FEM1C: variants seen among roughly 807,000 people sequenced by gnomAD.
FEM1C encodes the protein protein fem-1 homolog C.
In FEM1C, 15 loss-of-function variants were observed where a neutral mutation model predicts 37.6. The ratio of observed to expected loss-of-function variants is 0.40; its 90% CI spans 0.27 to 0.61. FEM1C has a LOEUF of 0.61. FEM1C is among the 20% of genes least tolerant of loss of function. The probability of loss-of-function intolerance (pLI) is 0.42; values close to 1 mark genes in which losing one functional copy is unlikely to be tolerated. For synonymous variants in FEM1C, 287 were observed against 272.8 expected (o/e 1.05, Z -0.51); for missense variants, 532 against 749.7 (o/e 0.71, Z 3.39).
rs901422000 is a variant in FEM1C, at chr5:115,542,896, A to C, written c.544+54T>G. The C allele has an allele frequency of 2.6e-6, 4 of 1,561,790 alleles. No individual in the cohort carries two copies. The African/African-American group carries it at 4.1e-5, about 16-fold the overall frequency. ...CACCAGTGCTTATAATGATGTATCAAACTTCCTGAAAATAAGTGGTAGACA... is the reference window on the plus strand; with the variant it reads ...CACCAGTGCTTATAATGATGTATCACACTTCCTGAAAATAAGTGGTAGACA... On this transcript the variant is annotated intron_variant, in intron 2 of 2. Coordinates refer to ENST00000274457, the MANE Select transcript of FEM1C (RefSeq NM_020177.3).
chr5:115,527,643 A>C (rs1449058750), intron 2 of FEM1C, among the ~76,000 whole-genome samples: 2 of 152,154 alleles, frequency 1.3e-5, no homozygotes, highest in Admixed American at 1.3e-4. Context: ...GAGAAATCTG[A>C]ATATAAAGAA....
At chr5:115,543,738 A>C in intron 1 of FEM1C, 55 bp from the exon 2 acceptor site, 1 of 1,303,684 alleles carries the variant, frequency 7.7e-7, no homozygotes, top group Non-Finnish European at 9.7e-7. Context: ...AGAAGGCAAA[A>C]CACTTCTTAA....
At chr5:115,530,877 T>C (rs189152933) in intron 2 of FEM1C, among the ~76,000 whole-genome samples, 1 of 151,826 alleles carries the variant, frequency 6.6e-6, no homozygotes, top group East Asian at 1.9e-4. Flanking sequence ...TTTAAATAGC[T>C]AAGTTTCCAT....
rs764353295 is a variant in FEM1C, at chr5:115,543,387, G to C, written c.107C>G (p.Ser36Cys). 6.2e-7 allele frequency: 1 copy of C among 1,614,182 alleles called. No homozygotes were observed. Among genetic ancestry groups the C allele is most frequent in the Non-Finnish European group, 8.5e-7 (1 of 1,180,030 alleles). Residue 36 changes from serine (S) to cysteine (C), a missense_variant, in exon 2 of 3, where the codon TCT (serine) becomes TGT (cysteine). By Grantham distance (112) the Ser-to-Cys change is moderately radical. Around this residue, in one of 3 missense-constraint regions of FEM1C, gnomAD observed 74 missense variants for 85.0 expected, o/e 0.87. Coordinates refer to ENST00000274457, the MANE Select transcript of FEM1C (RefSeq NM_020177.3). Reference protein sequence around the residue: ...KSKEEVSSLISEKTNGATPLL... With the variant: ...KSKEEVSSLICEKTNGATPLL... Reference sequence around the variant, plus strand: ...TGGCGTGGCCCCATTTGTTTTTTCAGAGATCAAGGAGGAAACCTCCTCTTT... The same window carrying C: ...TGGCGTGGCCCCATTTGTTTTTTCACAGATCAAGGAGGAAACCTCCTCTTT...
intron 2 of FEM1C, among the ~76,000 whole-genome samples, chr5:115,531,847 A>G (rs1385537097): frequency 6.6e-6 from 1 of 152,116 alleles, no homozygotes; most frequent in Non-Finnish European, 1.5e-5. Flanking sequence ...ACCCTGGGCC[A>G]TAGTTTGCCA....
At chr5:115,541,162 G>C (rs1011621486) in intron 2 of FEM1C, among the ~76,000 whole-genome samples, 3 of 151,952 alleles carry the variant, frequency 2.0e-5, no homozygotes, top group Admixed American at 6.5e-5. Context: ...TGCAGCTATT[G>C]AAATTAAAGA....
At position 115,525,013 on chromosome 5, in the gene FEM1C, T is replaced by C. The variant is rs778847500; in HGVS notation, c.1149A>G (p.Leu383=). 5 of 1,613,532 alleles carry C rather than the reference T, an allele frequency of 3.1e-6. No individual in the cohort carries two copies. The African/African-American group carries it at 5.3e-5, about 17-fold the overall frequency. Residue 383 remains leucine, a synonymous_variant, in exon 3 of 3, where the codon TTA becomes TTG. Coordinates refer to ENST00000274457, the MANE Select transcript of FEM1C (RefSeq NM_020177.3). ...AGGAGAATAGTTCTGCAAAAGATAATAAGCTGCTGGCGGTCATTGGGCTTA... is the reference window on the plus strand; with the variant it reads ...AGGAGAATAGTTCTGCAAAAGATAACAAGCTGCTGGCGGTCATTGGGCTTA... The part of the protein sequence containing the change: ...DPLSPMTASS[L]LSFAELFSFM...
intron 2 of FEM1C, among the ~76,000 whole-genome samples, chr5:115,538,843 C>A (rs1754182651): frequency 6.6e-6 from 1 of 151,906 alleles, no homozygotes; most frequent in South Asian, 2.1e-4. Flanking sequence ...CTGCCAAAAC[C>A]CTTCCACAGA....
At chr5:115,530,629 G>GC (rs1459587299) in intron 2 of FEM1C, among the ~76,000 whole-genome samples, 3 of 152,054 alleles carry the variant, frequency 2.0e-5, no homozygotes, top group Middle Eastern at 3.2e-3. Flanking sequence ...TGGCCGTAAG[G>GC]CAAGTCTCAA....
At chr5:115,526,774 T>G (rs967877161) in intron 2 of FEM1C, among the ~76,000 whole-genome samples, 1 of 152,132 alleles carries the variant, frequency 6.6e-6, no homozygotes, top group Admixed American at 6.6e-5. Context: ...GGCTGGTAGC[T>G]GGGAACTTGG....
At chr5:115,533,233 G>C (rs1300891196) in intron 2 of FEM1C, among the ~76,000 whole-genome samples, 1 of 151,794 alleles carries the variant, frequency 6.6e-6, no homozygotes, top group Non-Finnish European at 1.5e-5. Context: ...TTGGTAAATA[G>C]AATATTTTCT....
At position 115,543,221 on chromosome 5, in the gene FEM1C, A is replaced by T; in HGVS notation, c.273T>A (p.Ser91=). The change falls in exon 2 of 3, where the codon TCT becomes TCA. Residue 91 remains serine (S), a synonymous_variant. Coordinates refer to ENST00000274457, the MANE Select transcript of FEM1C (RefSeq NM_020177.3). ...GGACCACCTTCAGATGTCCTGCTGC[A>T]GAAGCGGCCCATAAAGGGGGAGCCC... ...IEGAPPLWAA[S]AAGHLKVVQS... is the part of the protein sequence containing the mutation. 6.2e-7 allele frequency: 1 copy of T among 1,614,266 alleles called. No homozygotes were observed.
chr5:115,532,735 T>G lies in FEM1C; in HGVS notation c.545-7118A>C, dbSNP rs78582211. Among the ~76,000 whole-genome samples, 436 of 152,216 alleles carry G rather than the reference T, an allele frequency of 2.9e-3. 2 individuals carry two copies. The highest frequency in any genetic ancestry group is 0.01 in the African/African-American group (422 of 41,560). ...TTTCTGTAACTACACAGATTCTACA[T>G]AATCCTTCTTAATGGTTTTATGGTG... On this transcript the variant is annotated intron_variant, in intron 2 of 2. Transcript: ENST00000274457.
intron 2 of FEM1C, among the ~76,000 whole-genome samples, chr5:115,530,311 A>G (rs1218671933): frequency 6.6e-6 from 1 of 152,104 alleles, no homozygotes; most frequent in African/African-American, 2.4e-5. Flanking sequence ...GAAATATTTT[A>G]TAATGTTAAA....
At chr5:115,538,062 T>C (rs1246990651) in intron 2 of FEM1C, among the ~76,000 whole-genome samples, 1 of 152,062 alleles carries the variant, frequency 6.6e-6, no homozygotes, top group East Asian at 1.9e-4. Context: ...ATATAAAGCC[T>C]TGGATTTGCT....
Position 115,524,478 on chromosome 5 carries a change from G to C in FEM1C, c.1684C>G (p.Gln562Glu). Residue 562 changes from glutamine (Q) to glutamate (E), a missense_variant, in exon 3 of 3, where the codon CAA becomes GAA. Transcript: ENST00000274457. The stretch of plus-strand genomic sequence containing the variant: ...TCATCCAGCAAGTCACTAGCAGTTT[G>C]TTTGTGCAAGTTTGTGGCATCAAAA... Reference protein sequence around the residue: ...AHFDATNLHKQTASDLLDEKE... With the variant: ...AHFDATNLHKETASDLLDEKE... 3 of 1,612,478 alleles carry C rather than the reference G, an allele frequency of 1.9e-6. No homozygotes were observed. Among genetic ancestry groups the C allele is most frequent in the Non-Finnish European group, 2.5e-6 (3 of 1,179,300 alleles).
rs868637969 is a variant in FEM1C at position 115,544,622 on chromosome 5, T to G, written c.-290A>C. Reference sequence around the variant, plus strand: ...GTCCCCACCGCCGCCCGGGCCGCCCTGCTCCGCCTGCGGCCGCACAGCTCC... The same window carrying G: ...GTCCCCACCGCCGCCCGGGCCGCCCGGCTCCGCCTGCGGCCGCACAGCTCC... On this transcript the variant is annotated 5_prime_UTR_variant, in exon 1 of 3. Coordinates refer to ENST00000274457, the MANE Select transcript of FEM1C (RefSeq NM_020177.3). 155 of 154,450 alleles carry G rather than the reference T, an allele frequency of 1.0e-3. No individual in the cohort carries two copies. The highest frequency in any genetic ancestry group is 4.5e-3 in the Admixed American group (69 of 15,318). The allele number at this position is 154,450 out of a possible 1,614,324, so 9.6% of individuals were successfully genotyped here.
chr5:115,535,601 A>G (rs1025659243), intron 2 of FEM1C, among the ~76,000 whole-genome samples: 5 of 151,988 alleles, frequency 3.3e-5, no homozygotes, highest in Non-Finnish European at 5.9e-5. Context: ...AAGAAGAAGA[A>G]CAAGTGTTGG....
chr5:115,524,293 A>T lies in FEM1C; in HGVS notation c.*15T>A. On this transcript the variant is annotated 3_prime_UTR_variant, in exon 3 of 3. Coordinates refer to ENST00000274457, the MANE Select transcript of FEM1C (RefSeq NM_020177.3). ...CCAATTCGTGCTTTAACAGTGCTAA[A>T]ATACAGTCAAGTTATCATCTATGAA... The T allele has an allele frequency of 6.2e-7, 1 of 1,609,252 alleles. No homozygotes were observed.
Sources: gnomAD v4.1 joint callset for allele counts (sites outside exome capture counted in the v4.1 genomes callset) on GRCh38, gnomAD v4.1.1 for gene constraint, gnomAD v4.1.1 regional missense constraint, MANE v1.5 for transcripts, NCBI Gene and HGNC (gene_info 2026-07-23, HGNC 2026-07-21) for gene names.